The following PTCH1 variants were observed in gnomAD, a reference collection of about 807,000 sequenced individuals.
PTCH1 encodes patched 1.
A neutral mutation model predicts 144.6 loss-of-function variants in PTCH1; 14 were observed. The observed-to-expected ratio is 0.10, with a 90% CI of 0.06 to 0.15. The LOEUF is 0.15. Ranked by LOEUF, PTCH1 falls within the 10% of genes least tolerant of loss-of-function variation. PTCH1 has a pLI of 1.00. For missense variants in PTCH1, 1,623 were observed against 1,948.3 expected (o/e 0.83, Z 3.14); for synonymous variants, 833 against 793.6 (o/e 1.05, Z -0.83).
At chr9:95,499,695 A>G (rs968066416) in intron 2 of PTCH1, among the ~76,000 whole-genome samples, 1 of 152,094 alleles carries the variant, frequency 6.6e-6, no homozygotes, top group African/African-American at 2.4e-5. Context: ...TTAAAATACT[A>G]CATTTATGCA....
In PTCH1 at chr9:95,476,111, T is replaced by C. The variant is rs774082990; in HGVS notation, c.1651A>G (p.Thr551Ala). Residue 551 changes from threonine to alanine, a missense_variant, in exon 12 of 24, where the codon ACG (threonine) becomes GCG (alanine). Thr to Ala is a moderately conservative substitution (Grantham distance 58). Around this residue, in one of 7 missense-constraint regions of PTCH1, gnomAD observed 135 missense variants for 228.7 expected, o/e 0.59. Coordinates refer to ENST00000331920, the MANE Select transcript of PTCH1 (RefSeq NM_000264.5). The surrounding 1 kb of genome is among the most constrained non-coding windows in gnomAD (Gnocchi z 4.6). ...AAGGCTGTGACATTGCTGATGGACG[T>C]GAGGGCCACGCTGGCTCCTGTGCGC... is the stretch of plus-strand genomic sequence containing the variant. ...LKRTGASVALTSISNVTAFFM... is the reference protein window; with the variant it reads ...LKRTGASVALASISNVTAFFM... The C allele has an allele frequency of 6.2e-7, 1 of 1,613,792 alleles. No individual in the cohort carries two copies. Among genetic ancestry groups the C allele is most frequent in the South Asian group, 1.1e-5 (1 of 90,984 alleles).
chr9:95,449,607 A>G lies in PTCH1; in HGVS notation c.3549+234T>C, dbSNP rs1191072328. 1 of 643,900 alleles carries G rather than the reference A, an allele frequency of 1.6e-6. No individual in the cohort carries two copies. Among genetic ancestry groups the G allele is most frequent in the East Asian group, 2.7e-5 (1 of 36,758 alleles). 39.9% of individuals were successfully genotyped at this position (643,900 alleles called of 1,614,324 possible). ...CAAGGGGAAAGTCTTCATTTACTGT[A>G]TAAAGATCTGTAAGACCCAGGCTGC... is the stretch of plus-strand genomic sequence containing the variant. On this transcript the variant is annotated intron_variant, in intron 21 of 23. Transcript: ENST00000331920. The surrounding 1 kb of genome is among the most constrained non-coding windows in gnomAD (Gnocchi z 5.3).
At chr9:95,493,659 A>G (rs974842368) in intron 2 of PTCH1, among the ~76,000 whole-genome samples, 4 of 152,228 alleles carry the variant, frequency 2.6e-5, no homozygotes, top group African/African-American at 7.2e-5. Flanking sequence ...AACAGCCTCT[A>G]GAGAGATTTT....
upstream of PTCH1, among the ~76,000 whole-genome samples, chr9:95,513,129 A>G (rs1844230383): frequency 1.3e-5 from 2 of 152,240 alleles, no homozygotes; most frequent in Non-Finnish European, 2.9e-5. Flanking sequence ...GATGACAATG[A>G]AATAAAACAT....
chr9:95,509,512 C>T (rs1324367361), upstream of PTCH1, among the ~76,000 whole-genome samples: 1 of 152,272 alleles, frequency 6.6e-6, no homozygotes, highest in Non-Finnish European at 1.5e-5. Context: ...GCATGCAATA[C>T]TTCCATTAAG....
At position 95,480,265 on chromosome 9, in the gene PTCH1, C is replaced by G. The variant is rs184793271; in HGVS notation, c.945+125G>C. The G allele has an allele frequency of 6.6e-4, 1,006 of 1,528,384 alleles. 3 individuals are homozygous for G. The African/African-American group carries it at 0.011, about 17-fold the overall frequency. 94.7% of individuals were successfully genotyped at this position (1,528,384 alleles called of 1,614,324 possible). On this transcript the variant is annotated intron_variant, in intron 6 of 23. Transcript: ENST00000331920. ...TTTAGCTCTATAAATAAACTTAGTT[C>G]CATAGACAAAGACGATCATGGAGAA...
At chr9:95,472,279 T>G (rs1840653026) in intron 12 of PTCH1, among the ~76,000 whole-genome samples, 1 of 152,174 alleles carries the variant, frequency 6.6e-6, no homozygotes, top group Non-Finnish European at 1.5e-5. Flanking sequence ...GTCCCCGAAG[T>G]GCGGTCAAGT....
At chr9:95,507,366 T>G (rs577214951) in intron 1 of PTCH1, 1 of 985,372 alleles carries the variant, frequency 1.0e-6, no homozygotes, top group Non-Finnish European at 1.2e-6. Flanking sequence ...GCGCGGCATT[T>G]CCCCGGCGCT....
At chr9:95,468,076 C>T (rs1425040832) in intron 14 of PTCH1, among the ~76,000 whole-genome samples, 1 of 152,016 alleles carries the variant, frequency 6.6e-6, no homozygotes, top group Non-Finnish European at 1.5e-5. Flanking sequence ...CTTTTTTCCC[C>T]CTCTCTTTTG....
At chr9:95,464,129 C>T (rs150707721) in intron 15 of PTCH1, among the ~76,000 whole-genome samples, 1 of 152,342 alleles carries the variant, frequency 6.6e-6, no homozygotes, top group Non-Finnish European at 1.5e-5. Flanking sequence ...GTGCCATTCA[C>T]TCTACTGGGG....
At chr9:95,505,735 G>A in intron 2 of PTCH1, among the ~76,000 whole-genome samples, 1 of 150,776 alleles carries the variant, frequency 6.6e-6, no homozygotes, top group Non-Finnish European at 1.5e-5. Flanking sequence ...ATGCGTTCCA[G>A]TCTGTGCCTT....
In PTCH1 at chr9:95,458,795, G is replaced by A. The variant is rs1443648378; in HGVS notation, c.2888-502C>T. ...GAAATCCTTACACAACAAGCATTTA[G>A]TTACTGCCGTTGTGTGTTCCAGACC... is the stretch of plus-strand genomic sequence containing the variant. On this transcript the variant is annotated intron_variant, in intron 17 of 23. Transcript: ENST00000331920. This position sits in a 1 kb window ranked among gnomAD's most constrained non-coding sequence, Gnocchi z 4.7. Among the ~76,000 whole-genome samples the A allele has an allele frequency of 6.6e-6, 1 of 152,230 alleles. No individual in the cohort carries two copies. Among genetic ancestry groups the A allele is most frequent in the Non-Finnish European group, 1.5e-5 (1 of 68,042 alleles).
At position 95,480,835 on chromosome 9, in the gene PTCH1, A is replaced by G. The variant is rs988369042; in HGVS notation, c.747-247T>C. On this transcript the variant is annotated intron_variant, in intron 5 of 23. Coordinates refer to ENST00000331920, the MANE Select transcript of PTCH1 (RefSeq NM_000264.5). ...CATAAGTTAATGAGGGCACTGAATA[A>G]TCTTTAATTGCTGATATTGTATATT... Among the ~76,000 whole-genome samples the G allele has an allele frequency of 1.1e-3, 166 of 152,352 alleles. 1 individual carries two copies. The highest frequency in any genetic ancestry group is 5.6e-4 in the Non-Finnish European group (38 of 68,030).
rs951501624 is a variant in PTCH1, at chr9:95,449,069, A to G, written c.3804T>C (p.Thr1268=). Residue 1268 remains threonine (T), a splice_region_variant and synonymous_variant, in exon 22 of 24, where the codon ACT becomes ACC. Transcript: ENST00000331920. The surrounding 1 kb of genome is among the most constrained non-coding windows in gnomAD (Gnocchi z 5.3). The part of the protein sequence containing the change: ...ATENPVFAHS[T]VVHPESRHHP... The stretch of plus-strand genomic sequence containing the variant: ...CCCCTGGTTCTGCAGAGTCACTTAC[A>G]GTGGAGTGGGCGAAGACGGGGTTTT... 1.9e-6 allele frequency: 3 copies of G among 1,614,090 alleles called. No homozygotes were observed. The highest frequency in any genetic ancestry group is 2.5e-6 in the Non-Finnish European group (3 of 1,180,038).
intron 10 of PTCH1, 100 bp downstream of exon 10, chr9:95,477,447 C>A: frequency 1.3e-6 from 2 of 1,508,680 alleles, no homozygotes; most frequent in Non-Finnish European, 1.8e-6. Context: ...AAGACCCTTC[C>A]GGTGAGAAGG....
Position 95,449,660 on chromosome 9 carries a change from C to T in PTCH1, c.3549+181G>A, listed in dbSNP as rs969883497. On this transcript the variant is annotated intron_variant, in intron 21 of 23. Transcript: ENST00000331920. This position sits in a 1 kb window ranked among gnomAD's most constrained non-coding sequence, Gnocchi z 5.3. ...ATCAGTTGATTTAGAGGAACCAAAC[C>T]GAACCCGCCCTCTAGCCCTCAAAGC... 2.2e-5 allele frequency: 16 copies of T among 712,122 alleles called. No homozygotes were observed. The highest frequency in any genetic ancestry group is 3.1e-5 in the Non-Finnish European group (13 of 415,884). The allele number at this position is 712,122 out of a possible 1,614,324, so 44.1% of individuals were successfully genotyped here. A position where few individuals can be genotyped will look rare whatever the true frequency, so the allele number is the denominator to read the frequency against.
chr9:95,510,915 G>A (rs1844117945), upstream of PTCH1, among the ~76,000 whole-genome samples: 1 of 150,712 alleles, frequency 6.6e-6, no homozygotes, highest in Non-Finnish European at 1.5e-5. Context: ...AGGTAGGGAG[G>A]CGGATGCGCC....
rs1841032015 is a variant in PTCH1 at position 95,476,306 on chromosome 9, AC to A, written c.1603-148del. On this transcript the variant is annotated intron_variant, in intron 11 of 23. Transcript: ENST00000331920. The surrounding 1 kb of genome is among the most constrained non-coding windows in gnomAD (Gnocchi z 4.6). ...TTAGGGAAACAGAGCCACCTGCCTT[AC>A]CCCCTAACACCAGCATTATTCAGTA... The A allele has an allele frequency of 2.8e-6, 3 of 1,084,326 alleles. No individual in the cohort carries two copies. The highest frequency in any genetic ancestry group is 2.0e-5 in the Admixed American group (1 of 50,046). 67.2% of individuals were successfully genotyped at this position (1,084,326 alleles called of 1,614,324 possible).
Position 95,449,789 on chromosome 9 carries a change from AAC to A in PTCH1, c.3549+50_3549+51del, listed in dbSNP as rs946882939. 1.1e-5 allele frequency: 17 copies of A among 1,510,048 alleles called. No individual in the cohort carries two copies. The highest frequency in any genetic ancestry group is 1.6e-5 in the Non-Finnish European group (17 of 1,087,520). 93.5% of individuals were successfully genotyped at this position (1,510,048 alleles called of 1,614,324 possible). On this transcript the variant is annotated intron_variant, in intron 21 of 23. Coordinates refer to ENST00000331920, the MANE Select transcript of PTCH1 (RefSeq NM_000264.5). The surrounding 1 kb of genome is among the most constrained non-coding windows in gnomAD (Gnocchi z 5.3). ...TATCGAAGTGAAGAGCGGCACAGGAAACACAGCATTCAGCCGGCCTACACGTG... is the reference window on the plus strand; with the variant it reads ...TATCGAAGTGAAGAGCGGCACAGGAAACAGCATTCAGCCGGCCTACACGTG...
Sources: allele counts gnomAD v4.1 joint callset (sites outside exome capture counted in the v4.1 genomes callset), GRCh38; gene constraint gnomAD v4.1.1; regional missense constraint gnomAD v4.1.1; non-coding constraint Gnocchi (gnomAD v3.1); transcripts MANE v1.5; gene names NCBI Gene and HGNC (gene_info 2026-07-23, HGNC 2026-07-21).